GNB1L: variants seen among roughly 807,000 people sequenced by gnomAD.
GNB1L encodes the protein guanine nucleotide-binding protein subunit beta-like protein 1.
Under a neutral mutation model 29.1 loss-of-function variants are expected in GNB1L, and 20 were observed. That is an observed-to-expected ratio of 0.69 (90% CI 0.48 to 1.00). GNB1L has a LOEUF of 1.00. GNB1L is among the 50% of genes least tolerant of loss of function. GNB1L has a pLI of 0.00. For synonymous variants in GNB1L, 193 were observed against 206.5 expected (o/e 0.93, Z 0.56); for missense variants, 421 against 464.9 (o/e 0.91, Z 0.87).
chr22:19,788,942 G>C lies in GNB1L; in HGVS notation c.751C>G (p.Leu251Val). The change falls in exon 8 of 8, where the codon CTC (leucine) becomes GTC (valine). Residue 251 changes from leucine (L) to valine (V), a missense_variant. Physicochemically the swap from Leu to Val is conservative, Grantham distance 32 (BLOSUM62 1). Coordinates refer to ENST00000329517, the MANE Select transcript of GNB1L (RefSeq NM_053004.3). ...QALQVRGTHE[L>V]TNPGIAEVTI... ...ACCTCGGCGATCCCGGGATTGGTGA[G>C]TTCATGAGTCCCACGCACCTGTGAG... The C allele has an allele frequency of 6.2e-7, 1 of 1,607,978 alleles. No homozygotes were observed. The highest frequency in any genetic ancestry group is 2.2e-5 in the East Asian group (1 of 44,728).
At chr22:19,790,021 C>T (rs540285754) in intron 7 of GNB1L, among the ~76,000 whole-genome samples, 1 of 152,238 alleles carries the variant, frequency 6.6e-6, no homozygotes, top group South Asian at 2.1e-4. Flanking sequence ...AGGAGGAAGG[C>T]GAGGTCCAAG....
rs574347657 is a variant in GNB1L, at chr22:19,798,461, T to C, written c.732+3540A>G. On this transcript the variant is annotated intron_variant, in intron 7 of 7. Coordinates refer to ENST00000329517, the MANE Select transcript of GNB1L (RefSeq NM_053004.3). Reference sequence around the variant, plus strand: ...CTCACTGGAAGCCACTGGGGCCTGCTCAGGGCCCTCTTGACAGGAATTTGC... The same window carrying C: ...CTCACTGGAAGCCACTGGGGCCTGCCCAGGGCCCTCTTGACAGGAATTTGC... 2.6e-5 allele frequency among the ~76,000 whole-genome samples: 4 copies of C among 152,272 alleles called. No homozygotes were observed. The East Asian group carries it at 5.8e-4, about 22-fold the overall frequency.
At position 19,788,721 on chromosome 22, in the gene GNB1L, G is replaced by T. The variant is rs894313261; in HGVS notation, c.972C>A (p.Tyr324Ter). ...GGGAGTGGGTGAGTCATGCGCGTGG[G>T]TAGAGTGACCAGAGGCTGATCCGCT... ...KDQRISLWSL[Y>*]PRA Residue 324 changes from tyrosine to a stop codon, truncating the protein, a stop_gained, in exon 8 of 8, where the codon TAC (tyrosine) becomes TAA (stop). Coordinates refer to ENST00000329517, the MANE Select transcript of GNB1L (RefSeq NM_053004.3). LOFTEE classifies it high-confidence loss of function. 1 of 1,611,454 alleles carries T rather than the reference G, an allele frequency of 6.2e-7. No homozygotes were observed. Among genetic ancestry groups the T allele is most frequent in the Non-Finnish European group, 8.5e-7 (1 of 1,178,922 alleles).
chr22:19,851,716 C>T (rs1388950438), intron 2 of GNB1L: 6 of 1,602,874 alleles, frequency 3.7e-6, no homozygotes, highest in African/African-American at 2.7e-5. Context: ...CAAAACTGTT[C>T]GGGTCTTGAA....
At chr22:19,824,398 C>T (rs1015449091) in intron 2 of GNB1L, among the ~76,000 whole-genome samples, 2 of 152,222 alleles carry the variant, frequency 1.3e-5, no homozygotes, top group Non-Finnish European at 2.9e-5. Flanking sequence ...GGCCCAGCCC[C>T]GGCCCTGTCC....
At chr22:19,846,955 T>A (rs921764417) in intron 2 of GNB1L, 2 of 985,340 alleles carry the variant, frequency 2.0e-6, no homozygotes, top group South Asian at 4.7e-5. Context: ...GCCCCTCCCA[T>A]CCTCCCATCC....
chr22:19,852,314 G>T lies in GNB1L; in HGVS notation c.-21+2129C>A, dbSNP rs1418748897. On this transcript the variant is annotated intron_variant, in intron 2 of 7. Coordinates refer to ENST00000329517, the MANE Select transcript of GNB1L (RefSeq NM_053004.3). ...GAGCCAGCACTGGTGGGTGGTGGGG[G>T]TGTGGACAGATGTGGCTTGCACGAC... The T allele has an allele frequency of 7.7e-6, 12 of 1,551,542 alleles. No homozygotes were observed. In the Admixed American group the frequency reaches 1.1e-4, roughly 14 times the overall value.
intron 2 of GNB1L, 26 bp from the exon 3 acceptor site, chr22:19,821,401 G>A (rs2145882364): frequency 2.5e-6 from 4 of 1,602,080 alleles, no homozygotes; most frequent in Non-Finnish European, 3.4e-6. Flanking sequence ...GGGCGTGTGA[G>A]TGACTGCGTC....
chr22:19,831,195 T>C, intron 2 of GNB1L, among the ~76,000 whole-genome samples: 1 of 151,176 alleles, frequency 6.6e-6, no homozygotes, highest in Non-Finnish European at 1.5e-5. Context: ...ACCCCATCTC[T>C]ACTAAAAATA....
chr22:19,804,408 G>C (rs913471198), intron 6 of GNB1L, among the ~76,000 whole-genome samples: 3 of 152,240 alleles, frequency 2.0e-5, no homozygotes, highest in Non-Finnish European at 2.9e-5. Flanking sequence ...GGGCTGGCTG[G>C]AGTGGCCCCT....
chr22:19,821,512 G>T, intron 2 of GNB1L, 137 bp from the exon 3 acceptor site: 1 of 831,330 alleles, frequency 1.2e-6, no homozygotes, highest in Non-Finnish European at 1.9e-6. Flanking sequence ...GGAGAGAGGT[G>T]CCACTGCTCC....
At chr22:19,810,013 G>A (rs1181826183) in intron 5 of GNB1L, among the ~76,000 whole-genome samples, 12 of 152,204 alleles carry the variant, frequency 7.9e-5, no homozygotes, top group Admixed American at 7.9e-4. Context: ...TCCTGCTTTG[G>A]CCTCCTGAGT....
At chr22:19,826,454 G>A (rs1446968725) in intron 2 of GNB1L, among the ~76,000 whole-genome samples, 1 of 152,158 alleles carries the variant, frequency 6.6e-6, no homozygotes, top group Non-Finnish European at 1.5e-5. Flanking sequence ...GTCATGAGAG[G>A]CAACAAAAAA....
chr22:19,812,042 C>T (rs1937506535), intron 5 of GNB1L, among the ~76,000 whole-genome samples: 1 of 152,218 alleles, frequency 6.6e-6, no homozygotes. Context: ...TCCAAAACAC[C>T]GGCCCCTCCC....
rs149923530 is a variant in GNB1L at position 19,806,680 on chromosome 22, G to A, written c.495C>T (p.Pro165=). The part of the protein sequence containing the change: ...KPKADAKLGM[P]MCLRLWQADC... Reference sequence around the variant, plus strand: ...TTACCTGCCACAGCCGCAGGCACATGGGCATGCCCAGCTTGGCATCTGCCT... The same window carrying A: ...TTACCTGCCACAGCCGCAGGCACATAGGCATGCCCAGCTTGGCATCTGCCT... The change falls in exon 6 of 8, where the codon CCC becomes CCT. Residue 165 remains proline (P), a synonymous_variant. Coordinates refer to ENST00000329517, the MANE Select transcript of GNB1L (RefSeq NM_053004.3). 88 of 1,612,446 alleles carry A rather than the reference G, an allele frequency of 5.5e-5. No homozygotes were observed. The African/African-American group carries it at 1.1e-3, about 20-fold the overall frequency.
chr22:19,825,477 C>T (rs1304604788), intron 2 of GNB1L, among the ~76,000 whole-genome samples: 3 of 151,360 alleles, frequency 2.0e-5, no homozygotes, highest in Non-Finnish European at 4.4e-5. Flanking sequence ...AATAAATTAG[C>T]CAGGTGTGGT....
rs779603312 is a variant in GNB1L, at chr22:19,788,675, G to A, written c.*34C>T. ...GGGCCTGATGCCCACCTCCCTGCCC[G>A]CCCTCCTCGTCTCCCGGGAAGGGAG... On this transcript the variant is annotated 3_prime_UTR_variant, in exon 8 of 8. Transcript: ENST00000329517. 1.1e-5 allele frequency: 18 copies of A among 1,611,996 alleles called. No individual in the cohort carries two copies. Among genetic ancestry groups the A allele is most frequent in the South Asian group, 9.9e-5 (9 of 91,018 alleles).
intron 2 of GNB1L, chr22:19,851,638 C>T: frequency 6.3e-7 from 1 of 1,593,980 alleles, no homozygotes; most frequent in Non-Finnish European, 8.6e-7. Flanking sequence ...CCACAGGCAG[C>T]TGAGGGGCCA....
intron 2 of GNB1L, chr22:19,848,859 G>C (rs1359990050): frequency 9.1e-6 from 9 of 985,372 alleles, no homozygotes; most frequent in Non-Finnish European, 1.2e-6. Flanking sequence ...AGGGAGATGG[G>C]GAAGGTGGCC....
Sources: allele counts gnomAD v4.1 joint callset (sites outside exome capture counted in the v4.1 genomes callset), GRCh38; gene constraint gnomAD v4.1.1; transcripts MANE v1.5; gene names NCBI Gene and HGNC (gene_info 2026-07-23, HGNC 2026-07-21).